Variants in DHRSX observed in about 807,000 individuals in gnomAD.
DHRSX encodes polyprenol dehydrogenase.
DHRSX carries 31 observed loss-of-function variants against 34.0 expected under a neutral mutation model. That is an observed-to-expected ratio of 0.91 (90% CI 0.69 to 1.23). The LOEUF (loss-of-function observed/expected upper bound fraction) is 1.23, where lower values mean the gene tolerates loss of function less well. Ranked by LOEUF, DHRSX falls within the 50% of genes most tolerant of loss-of-function variation. DHRSX has a pLI of 0.00. For missense variants in DHRSX, 414 were observed against 428.1 expected, an observed-to-expected ratio of 0.97 and a Z score of 0.29; for synonymous variants, 201 against 183.8, an observed-to-expected ratio of 1.09 and a Z score of -0.76.
intron 3 of DHRSX, chrX:2,338,006 C>A (rs866513974): frequency 9.6e-4 from 130 of 134,996 alleles, no homozygotes; most frequent in African/African-American, 1.5e-3. Flanking sequence ...TCAGCTGAGA[C>A]AAAAAAAAAA....
chrX:2,222,894 C>T (rs774215294), intron 6 of DHRSX, among the ~76,000 whole-genome samples: 2 of 152,290 alleles, frequency 1.3e-5, no homozygotes, highest in African/African-American at 2.4e-5. Context: ...CCAGCCCATC[C>T]TCTGGGTGCC....
intron 3 of DHRSX, among the ~76,000 whole-genome samples, chrX:2,399,754 A>G (rs1339887709): frequency 6.8e-6 from 1 of 146,532 alleles, no homozygotes; most frequent in Non-Finnish European, 1.5e-5. Flanking sequence ...AAAAAAACAC[A>G]GGGGCTGAGC....
At chrX:2,239,598 A>G (rs896240818) in intron 6 of DHRSX, among the ~76,000 whole-genome samples, 6 of 150,856 alleles carry the variant, frequency 4.0e-5, no homozygotes, top group African/African-American at 1.5e-4. Context: ...CTACTAAAAA[A>G]AAATAAAAAA....
intron 2 of DHRSX, among the ~76,000 whole-genome samples, chrX:2,410,445 A>T (rs1056805029): frequency 5.8e-4 from 88 of 152,144 alleles, no homozygotes; most frequent in Admixed American, 3.3e-4. Flanking sequence ...TCCTACCTGC[A>T]CCCAGCCCGG....
intron 1 of DHRSX, among the ~76,000 whole-genome samples, chrX:2,464,243 C>A (rs1424681932): frequency 6.7e-6 from 1 of 150,300 alleles, no homozygotes; most frequent in Non-Finnish European, 1.5e-5. Context: ...AGCACGTGGC[C>A]CAAGGGACCA....
intron 1 of DHRSX, among the ~76,000 whole-genome samples, chrX:2,484,094 G>C (rs977276295): frequency 2.0e-5 from 3 of 152,188 alleles, no homozygotes; most frequent in Non-Finnish European, 4.4e-5. Context: ...TCCTGCCTCA[G>C]CCTCAGTACC....
At chrX:2,371,915 A>C (rs756871655) in intron 3 of DHRSX, among the ~76,000 whole-genome samples, 1 of 152,204 alleles carries the variant, frequency 6.6e-6, no homozygotes, top group Non-Finnish European at 1.5e-5. Flanking sequence ...TCTCTGCAGG[A>C]AAGTCCATAT....
chrX:2,409,240 C>T (rs993628768), intron 2 of DHRSX, among the ~76,000 whole-genome samples: 3 of 152,166 alleles, frequency 2.0e-5, no homozygotes, highest in Non-Finnish European at 2.9e-5. Context: ...GATCACAGAC[C>T]GTGGTTCCTA....
chrX:2,488,521 C>T, intron 1 of DHRSX: 1 of 1,353,734 alleles, frequency 7.4e-7, no homozygotes, highest in Non-Finnish European at 9.9e-7. Context: ...TTCTAGGTGT[C>T]AAAGACAGTG....
At chrX:2,431,593 A>G (rs1265899940) in intron 1 of DHRSX, among the ~76,000 whole-genome samples, 2 of 152,156 alleles carry the variant, frequency 1.3e-5, no homozygotes, top group Non-Finnish European at 2.9e-5. Context: ...GAATGAAATC[A>G]TGTCCTTTGC....
chrX:2,273,544 G>C (rs1190860575), intron 4 of DHRSX, among the ~76,000 whole-genome samples: 1 of 152,186 alleles, frequency 6.6e-6, no homozygotes, highest in Non-Finnish European at 1.5e-5. Flanking sequence ...ATACACATTA[G>C]AGACTGAGGG....
At chrX:2,308,486 A>G (rs1172624791) in intron 3 of DHRSX, among the ~76,000 whole-genome samples, 1 of 152,164 alleles carries the variant, frequency 6.6e-6, no homozygotes, top group African/African-American at 2.4e-5. Context: ...GGCCCTAGTC[A>G]CACAAGACAG....
At chrX:2,355,675 A>G (rs1365944821) in intron 3 of DHRSX, among the ~76,000 whole-genome samples, 3 of 152,154 alleles carry the variant, frequency 2.0e-5, no homozygotes, top group Non-Finnish European at 4.4e-5. Flanking sequence ...TTAATGCGGT[A>G]ACATAATAAG....
rs1219070577 is a variant in DHRSX at position 2,362,933 on chromosome X, C to T, written c.286+45812G>A. On this transcript the variant is annotated intron_variant, in intron 3 of 6. Coordinates refer to ENST00000334651, the MANE Select transcript of DHRSX (RefSeq NM_145177.3). ...ATGGTATCATGCCACCATTTTATCA[C>T]CGTTCTATGGTATCATGCCATTTTA... Among the ~76,000 whole-genome samples the T allele has an allele frequency of 5.5e-5, 6 of 109,176 alleles. No homozygotes were observed. The East Asian group carries it at 1.5e-3, about 27-fold the overall frequency. 71.6% of individuals were successfully genotyped at this position (109,176 alleles called of 152,430 possible). A position where few individuals can be genotyped will look rare whatever the true frequency, so the allele number is the denominator to read the frequency against.
At chrX:2,369,440 T>G (rs2043031253) in intron 3 of DHRSX, among the ~76,000 whole-genome samples, 1 of 152,202 alleles carries the variant, frequency 6.6e-6, no homozygotes, top group Non-Finnish European at 1.5e-5. Flanking sequence ...GATGTGTGTG[T>G]GGAGTATTCG....
At chrX:2,295,453 T>C (rs1316807390) in intron 3 of DHRSX, among the ~76,000 whole-genome samples, 1 of 152,136 alleles carries the variant, frequency 6.6e-6, no homozygotes, top group African/African-American at 2.4e-5. Flanking sequence ...AAGGGATAGC[T>C]TTAGGACAAA....
intron 1 of DHRSX, among the ~76,000 whole-genome samples, chrX:2,499,979 A>G (rs1490663645): frequency 6.6e-6 from 1 of 152,154 alleles, no homozygotes; most frequent in Non-Finnish European, 1.5e-5. Context: ...GGAGTTCGAG[A>G]GTAGCCTCGG....
chrX:2,463,309 C>G (rs2044428876), intron 1 of DHRSX, among the ~76,000 whole-genome samples: 1 of 152,110 alleles, frequency 6.6e-6, no homozygotes, highest in African/African-American at 2.4e-5. Flanking sequence ...CAGCAAGACT[C>G]CGTCTCAAAA....
chrX:2,327,668 C>A (rs1284189963), intron 3 of DHRSX, among the ~76,000 whole-genome samples: 2 of 152,242 alleles, frequency 1.3e-5, no homozygotes, highest in Non-Finnish European at 2.9e-5. Flanking sequence ...ATGTTAAAGC[C>A]CTAACGCCCA....
Sources: allele counts gnomAD v4.1 joint callset (sites outside exome capture counted in the v4.1 genomes callset), GRCh38; gene constraint gnomAD v4.1.1; transcripts MANE v1.5; gene names NCBI Gene and HGNC (gene_info 2026-07-23, HGNC 2026-07-21).